OCA2: variants seen among roughly 807,000 people sequenced by gnomAD.
OCA2 encodes OCA2 melanosomal transmembrane protein.
In OCA2, 77 loss-of-function variants were observed where a neutral mutation model predicts 100.2. That is an observed-to-expected ratio of 0.77 (90% CI 0.64 to 0.93). OCA2 has a LOEUF of 0.93. Among genes scored for constraint, OCA2 ranks in the 40% least tolerant of loss-of-function variants. OCA2 has a pLI of 0.00. For synonymous variants in OCA2, 432 were observed against 439.2 expected (o/e 0.98, Z 0.21); for missense variants, 1,062 against 1,089.1 (o/e 0.98, Z 0.35).
At chr15:28,022,114 G>C (rs2042612183) in intron 6 of OCA2, among the ~76,000 whole-genome samples, 1 of 152,232 alleles carries the variant, frequency 6.6e-6, no homozygotes, top group Non-Finnish European at 1.5e-5. Flanking sequence ...AGCAAGCACA[G>C]TAGGAGGTGC....
intron 9 of OCA2, among the ~76,000 whole-genome samples, chr15:27,999,880 A>T (rs1158192130): frequency 6.6e-6 from 1 of 152,230 alleles, no homozygotes; most frequent in Admixed American, 6.5e-5. Flanking sequence ...AGCATCAAAA[A>T]GAATAAAATA....
intron 18 of OCA2, among the ~76,000 whole-genome samples, chr15:27,941,108 A>G (rs956854724): frequency 3.3e-5 from 5 of 152,234 alleles, no homozygotes; most frequent in African/African-American, 1.2e-4. Flanking sequence ...TCTATAGTGA[A>G]TATAAAGACT....
chr15:27,839,059 G>A (rs975498837), intron 23 of OCA2, among the ~76,000 whole-genome samples: 6 of 152,164 alleles, frequency 3.9e-5, no homozygotes, highest in South Asian at 4.1e-4. Context: ...TAGTAAGTGC[G>A]TGGAGAAAGA....
chr15:27,936,598 G>A (rs1467906279), intron 18 of OCA2, among the ~76,000 whole-genome samples: 1 of 152,286 alleles, frequency 6.6e-6, no homozygotes, highest in African/African-American at 2.4e-5. Context: ...AGGCCTGTGT[G>A]TATTACCTGA....
At chr15:27,719,859 A>T in the OCA2 span, among the ~76,000 whole-genome samples, 2 of 152,174 alleles carry the variant, frequency 1.3e-5, no homozygotes, top group African/African-American at 4.8e-5. Context: ...AGGAGGCATC[A>T]CAGGACAAGA....
At chr15:27,853,581 G>GA (rs112019581) in intron 21 of OCA2, among the ~76,000 whole-genome samples, 3,068 of 136,610 alleles carry the variant, frequency 0.022, 70 homozygotes, top group African/African-American at 0.064. Context: ...AATAATAAAA[G>GA]AAAAAAAAAA....
intron 9 of OCA2, among the ~76,000 whole-genome samples, chr15:27,993,522 T>C (rs1334376502): frequency 6.6e-6 from 1 of 152,050 alleles, no homozygotes; most frequent in African/African-American, 2.4e-5. Context: ...CATCATGAAA[T>C]CATGAGTCCT....
chr15:28,018,615 G>A (rs1389624138), intron 6 of OCA2, 58 bp from the exon 7 acceptor site: 12 of 1,523,284 alleles, frequency 7.9e-6, no homozygotes, highest in African/African-American at 2.7e-5. Flanking sequence ...TGTCCCCGCC[G>A]CCCGCCAGAC....
intron 23 of OCA2, among the ~76,000 whole-genome samples, chr15:27,833,454 C>T (rs892456139): frequency 3.3e-5 from 5 of 152,202 alleles, no homozygotes; most frequent in African/African-American, 9.7e-5. Context: ...ACTCTCCTGA[C>T]CCCACTGCAG....
intron 14 of OCA2, among the ~76,000 whole-genome samples, chr15:27,980,182 C>CAGTG (rs571048153): frequency 1.4e-3 from 206 of 152,110 alleles, no homozygotes; most frequent in Non-Finnish European, 2.4e-3. Context: ...GGATGGAGTG[C>CAGTG]AGTGGCACGA....
intron 9 of OCA2, 134 bp from the exon 10 acceptor site, chr15:27,990,781 T>G: frequency 1.2e-6 from 1 of 815,112 alleles, no homozygotes. Context: ...GTCATGGGTC[T>G]TGATGTTTCA....
chr15:28,048,704 C>A (rs554247730), intron 2 of OCA2, among the ~76,000 whole-genome samples: 2 of 152,040 alleles, frequency 1.3e-5, no homozygotes, highest in Non-Finnish European at 2.9e-5. Flanking sequence ...AAATCCTTTG[C>A]GCTTCAAAAG....
intron 14 of OCA2, among the ~76,000 whole-genome samples, chr15:27,976,940 A>G (rs939830446): frequency 4.6e-5 from 7 of 151,146 alleles, no homozygotes; most frequent in Non-Finnish European, 8.9e-5. Flanking sequence ...TGATTCTTCT[A>G]TAGATACAGG....
the OCA2 span, among the ~76,000 whole-genome samples, chr15:27,734,971 C>T: frequency 3.3e-5 from 5 of 152,210 alleles, no homozygotes; most frequent in African/African-American, 1.2e-4. Flanking sequence ...GGAAACATGA[C>T]ATCATCAAAG....
chr15:27,886,519 C>A (rs1049907523), intron 19 of OCA2, among the ~76,000 whole-genome samples: 4 of 152,050 alleles, frequency 2.6e-5, no homozygotes, highest in African/African-American at 9.7e-5. Flanking sequence ...TAAGAGAATG[C>A]AACTATTATT....
intron 19 of OCA2, among the ~76,000 whole-genome samples, chr15:27,882,694 T>TA (rs140891610): frequency 0.016 from 2,369 of 152,266 alleles, 53 homozygotes; most frequent in African/African-American, 0.05. Context: ...TGGAGATTAT[T>TA]ATTTTTTTTT....
intron 21 of OCA2, among the ~76,000 whole-genome samples, chr15:27,866,045 A>G (rs1369318455): frequency 6.6e-6 from 1 of 152,162 alleles, no homozygotes; most frequent in Non-Finnish European, 1.5e-5. Flanking sequence ...AGGATTTACT[A>G]TGAATGAGTT....
At chr15:28,052,668 C>T (rs184014025) in intron 2 of OCA2, among the ~76,000 whole-genome samples, 17 of 152,304 alleles carry the variant, frequency 1.1e-4, no homozygotes, top group East Asian at 7.7e-4. Flanking sequence ...AATGACACTA[C>T]GATACGATGT....
intron 14 of OCA2, among the ~76,000 whole-genome samples, chr15:27,970,290 A>C (rs545909924): frequency 4.9e-5 from 5 of 101,960 alleles, no homozygotes; most frequent in African/African-American, 1.3e-4. Flanking sequence ...GGAAACCAAC[A>C]AACCAAAAAA....
Sources: allele counts gnomAD v4.1 joint callset (sites outside exome capture counted in the v4.1 genomes callset), GRCh38; gene constraint gnomAD v4.1.1; transcripts MANE v1.5; gene names NCBI Gene and HGNC (gene_info 2026-07-23, HGNC 2026-07-21).